The following LDHC variants were observed in gnomAD, a reference collection of about 807,000 sequenced individuals.
The protein encoded by LDHC is lactate dehydrogenase C.
In LDHC, 20 loss-of-function variants were observed where a neutral mutation model predicts 30.2. That is an observed-to-expected ratio of 0.66 (90% CI 0.47 to 0.96). The LOEUF is 0.96. LDHC is among the 40% of genes least tolerant of loss of function. The pLI, the probability that LDHC is intolerant of heterozygous loss-of-function variation, is 0.00. For missense variants in LDHC, 362 were observed against 394.9 expected (o/e 0.92, Z 0.71); for synonymous variants, 139 against 132.7 (o/e 1.05, Z -0.32).
In LDHC at chr11:18,450,984, G is replaced by C. The variant is rs778679570; in HGVS notation, c.856G>C (p.Glu286Gln). ...MVKGLYGIKE[E>Q]LFLSIPCVLG... ...TCAGGGATTATATGGAATAAAAGAAGAACTCTTTCTCAGTATCCCTTGTGT... is the reference window on the plus strand; with the variant it reads ...TCAGGGATTATATGGAATAAAAGAACAACTCTTTCTCAGTATCCCTTGTGT... The change falls in exon 8 of 8, where the codon GAA (glutamate) becomes CAA (glutamine). Residue 286 changes from glutamate (E) to glutamine (Q), a missense_variant. Physicochemically the swap from Glu to Gln is conservative, Grantham distance 29 (BLOSUM62 2). Transcript: ENST00000541669. 3.1e-6 allele frequency: 5 copies of C among 1,588,882 alleles called. No homozygotes were observed. The highest frequency in any genetic ancestry group is 3.4e-6 in the Non-Finnish European group (4 of 1,171,978).
intron 2 of LDHC, 48 bp downstream of exon 2, chr11:18,412,891 G>A (rs1394297058): frequency 6.3e-6 from 10 of 1,588,308 alleles, no homozygotes; most frequent in Non-Finnish European, 8.6e-6. Context: ...GAGCACTTCA[G>A]AGTGTTGTAT....
At chr11:18,424,730 G>A (rs1037754745) in intron 3 of LDHC, among the ~76,000 whole-genome samples, 4 of 152,160 alleles carry the variant, frequency 2.6e-5, no homozygotes, top group Non-Finnish European at 5.9e-5. Context: ...ATGTAATGCT[G>A]GGCATGGTGG....
At chr11:18,418,424 C>T (rs1186292581) in intron 3 of LDHC, among the ~76,000 whole-genome samples, 1 of 150,132 alleles carries the variant, frequency 6.7e-6, no homozygotes, top group African/African-American at 2.5e-5. Flanking sequence ...AAGAGTATTA[C>T]TATTTTATTT....
chr11:18,418,041 A>G (rs539221090), intron 3 of LDHC, among the ~76,000 whole-genome samples: 373 of 152,058 alleles, frequency 2.5e-3, no homozygotes, highest in African/African-American at 8.7e-3. Context: ...ATATATAATA[A>G]TATAACAAAC....
intron 3 of LDHC, among the ~76,000 whole-genome samples, chr11:18,426,433 A>AG (rs1472343102): frequency 6.6e-6 from 1 of 150,758 alleles, no homozygotes; most frequent in Non-Finnish European, 1.5e-5. Context: ...AGGCTGAAGC[A>AG]GGAGAATCAC....
chr11:18,436,782 G>A (rs1437037140), intron 5 of LDHC, among the ~76,000 whole-genome samples: 3 of 152,002 alleles, frequency 2.0e-5, no homozygotes, highest in East Asian at 1.9e-4. Context: ...CACTGCACCC[G>A]GCCGGGATAA....
chr11:18,415,327 T>C, intron 3 of LDHC, 26 bp downstream of exon 3: 1 of 1,169,960 alleles, frequency 8.5e-7, no homozygotes, highest in South Asian at 1.3e-5. Flanking sequence ...ATAAAGTTAT[T>C]TTCAAAGCTT....
chr11:18,416,150 T>C (rs1429548853), intron 3 of LDHC, among the ~76,000 whole-genome samples: 1 of 152,218 alleles, frequency 6.6e-6, no homozygotes, highest in Admixed American at 6.5e-5. Context: ...ACATAACTGA[T>C]GTATAAATGC....
chr11:18,412,758 A>C lies in LDHC; in HGVS notation c.41A>C (p.Glu14Ala), dbSNP rs1229854441. The C allele has an allele frequency of 6.2e-7, 1 of 1,613,982 alleles. No homozygotes were observed. The highest frequency in any genetic ancestry group is 1.3e-5 in the African/African-American group (1 of 75,070). ...VKEQLIEKLIEDDENSQCKIT... is the reference protein window; with the variant it reads ...VKEQLIEKLIADDENSQCKIT... ...GAGCAGCTAATTGAGAAGCTAATTG[A>C]GGATGATGAAAACTCCCAGTGTAAA... Residue 14 changes from glutamate (E) to alanine (A), a missense_variant, in exon 2 of 8, where the codon GAG becomes GCG. Physicochemically the swap from Glu to Ala is moderately radical, Grantham distance 107. Coordinates refer to ENST00000541669, the MANE Select transcript of LDHC (RefSeq NM_017448.5).
At chr11:18,428,003 G>T (rs1477282039) in intron 3 of LDHC, among the ~76,000 whole-genome samples, 1 of 151,560 alleles carries the variant, frequency 6.6e-6, no homozygotes, top group Non-Finnish European at 1.5e-5. Context: ...TCCTAAGTTT[G>T]CCTTTCTAGT....
Position 18,431,929 on chromosome 11 carries a change from C to T in LDHC, c.418+2019C>T, listed in dbSNP as rs184821127. ...TTTTCAAAGAACCAGCTTTTTGTTT[C>T]ATTTATCTTTTGTATTTTTTTGTTT... On this transcript the variant is annotated intron_variant, in intron 4 of 7. Transcript: ENST00000541669. Among the ~76,000 whole-genome samples, 9 of 152,256 alleles carry T rather than the reference C, an allele frequency of 5.9e-5. No homozygotes were observed. The East Asian group carries it at 1.3e-3, about 23-fold the overall frequency.
rs1848652639 is a variant in LDHC, at chr11:18,451,332, A to T, written c.*205A>T. ...AATCATTTATAGCTCTATTCTAATG[A>T]TACCCAATCTGTACAGGTGTAAGTT... On this transcript the variant is annotated 3_prime_UTR_variant, in exon 8 of 8. Coordinates refer to ENST00000541669, the MANE Select transcript of LDHC (RefSeq NM_017448.5). The T allele has an allele frequency of 5.0e-6, 2 of 396,962 alleles. No individual in the cohort carries two copies. The highest frequency in any genetic ancestry group is 8.8e-6 in the Non-Finnish European group (2 of 227,246). The allele number at this position is 396,962 out of a possible 1,614,324, so 24.6% of individuals were successfully genotyped here.
intron 3 of LDHC, among the ~76,000 whole-genome samples, chr11:18,420,641 T>TAAAAA (rs11321502): frequency 2.5e-4 from 18 of 72,348 alleles, no homozygotes; most frequent in African/African-American, 8.0e-4. Context: ...TCTTGTCTCT[T>TAAAAA]AAAAAAAAAA....
At chr11:18,435,157 T>C (rs1017869633) in intron 5 of LDHC, among the ~76,000 whole-genome samples, 6 of 152,176 alleles carry the variant, frequency 3.9e-5, no homozygotes. Context: ...GTTTCTCTTA[T>C]CTGTAATACT....
At chr11:18,412,640 C>A in intron 1 of LDHC, 69 bp from the exon 2 acceptor site, 1 of 1,417,632 alleles carries the variant, frequency 7.1e-7, no homozygotes, top group East Asian at 2.4e-5. Flanking sequence ...CAACATTCTG[C>A]AAACTGAAGA....
chr11:18,443,460 C>CTTTTT (rs34546967), intron 6 of LDHC, among the ~76,000 whole-genome samples: 19 of 135,744 alleles, frequency 1.4e-4, no homozygotes, highest in East Asian at 2.1e-4. Context: ...TTCTTTCTTT[C>CTTTTT]TTTTTTTTTT....
intron 6 of LDHC, among the ~76,000 whole-genome samples, chr11:18,444,604 G>GCATA (rs1848518816): frequency 1.1e-5 from 1 of 89,308 alleles, no homozygotes; most frequent in Non-Finnish European, 2.5e-5. Flanking sequence ...TGTTCAGGTG[G>GCATA]TATATATATA....
At chr11:18,444,126 G>T (rs1011730079) in intron 6 of LDHC, among the ~76,000 whole-genome samples, 1 of 152,110 alleles carries the variant, frequency 6.6e-6, no homozygotes, top group Admixed American at 6.6e-5. Context: ...TTTACAATGT[G>T]TATCAGTTTT....
chr11:18,440,645 A>G (rs1015125701), intron 6 of LDHC, among the ~76,000 whole-genome samples: 2 of 152,042 alleles, frequency 1.3e-5, no homozygotes, highest in Admixed American at 6.6e-5. Flanking sequence ...AAAAGCAGTT[A>G]AGGCTGGGTG....
Sources: allele counts gnomAD v4.1 joint callset (sites outside exome capture counted in the v4.1 genomes callset), GRCh38; gene constraint gnomAD v4.1.1; transcripts MANE v1.5; gene names NCBI Gene and HGNC (gene_info 2026-07-23, HGNC 2026-07-21).